The following MEF2A variants were observed in gnomAD, a reference collection of about 807,000 sequenced individuals.
MEF2A encodes the protein myocyte-specific enhancer factor 2A.
A neutral mutation model predicts 55.8 loss-of-function variants in MEF2A; 28 were observed. That is an observed-to-expected ratio of 0.50 (90% CI 0.37 to 0.69). The LOEUF (loss-of-function observed/expected upper bound fraction) is 0.69, where lower values mean the gene tolerates loss of function less well. MEF2A is among the 30% of genes least tolerant of loss of function. MEF2A has a pLI of 0.00. For missense variants in MEF2A, 528 were observed against 626.2 expected, an observed-to-expected ratio of 0.84 and a Z score of 1.67; for synonymous variants, 239 against 227.1, an observed-to-expected ratio of 1.05 and a Z score of -0.47.
At position 99,710,713 on chromosome 15, in the gene MEF2A, G is replaced by A. The variant is rs1285681334; in HGVS notation, c.1089G>A (p.Ser363=). 7.4e-6 allele frequency: 12 copies of A among 1,613,046 alleles called. No homozygotes were observed. The highest frequency in any genetic ancestry group is 1.0e-5 in the Non-Finnish European group (12 of 1,179,220). The change falls in exon 11 of 12, where the codon TCG becomes TCA. Residue 363 remains serine, a synonymous_variant. Transcript: ENST00000557942. ...GAATGCTGTCGCTGGGACAGGTGTC[G>A]GCCTGGCAGCAGCACCACCTAGGAC... is the stretch of plus-strand genomic sequence containing the variant. The part of the protein sequence containing the change: ...SPGMLSLGQV[S]AWQQHHLGQA...
intron 9 of MEF2A, among the ~76,000 whole-genome samples, chr15:99,704,991 A>G (rs546118531): frequency 1.3e-5 from 2 of 152,368 alleles, no homozygotes; most frequent in South Asian, 2.1e-4. Flanking sequence ...ACAGCCATTT[A>G]TATTATTTAA....
chr15:99,655,331 C>A (rs1169015020), intron 4 of MEF2A, among the ~76,000 whole-genome samples: 4 of 151,972 alleles, frequency 2.6e-5, no homozygotes, highest in Non-Finnish European at 4.4e-5. Flanking sequence ...AAAAAATAAG[C>A]CTCAGTATTT....
rs1159517297 is a variant in MEF2A at position 99,598,484 on chromosome 15, T to C, written c.-170T>C. ...ATTTTCTGCAAGGATCATATCTAAG[T>C]GCACTTTTTGCTGATACTTCATTTC... On this transcript the variant is annotated 5_prime_UTR_variant, in exon 2 of 12. Coordinates refer to ENST00000557942, the MANE Select transcript of MEF2A (RefSeq NM_001319206.4). The C allele has an allele frequency of 6.6e-6, 1 of 152,158 alleles. No individual in the cohort carries two copies. The highest frequency in any genetic ancestry group is 1.5e-5 in the Non-Finnish European group (1 of 68,020). 9.4% of individuals were successfully genotyped at this position (152,158 alleles called of 1,614,324 possible). A position where few individuals can be genotyped will look rare whatever the true frequency, so the allele number is the denominator to read the frequency against.
At chr15:99,647,396 T>G (rs2046137109) in intron 4 of MEF2A, among the ~76,000 whole-genome samples, 1 of 152,164 alleles carries the variant, frequency 6.6e-6, no homozygotes, top group African/African-American at 2.4e-5. Flanking sequence ...AAATAAGTAT[T>G]CTAGCTAATT....
At chr15:99,581,585 C>T (rs1037754659) in intron 1 of MEF2A, among the ~76,000 whole-genome samples, 9 of 152,282 alleles carry the variant, frequency 5.9e-5, no homozygotes, top group Non-Finnish European at 1.0e-4. Flanking sequence ...CTAGGTTCTG[C>T]TTCCCCCAAA....
intron 1 of MEF2A, among the ~76,000 whole-genome samples, chr15:99,597,134 T>G (rs1185216201): frequency 1.3e-5 from 2 of 152,158 alleles, no homozygotes; most frequent in East Asian, 1.9e-4. Flanking sequence ...GCAAGAGAGA[T>G]AACCTTAAAC....
chr15:99,659,011 A>C (rs549269466), intron 4 of MEF2A, among the ~76,000 whole-genome samples: 10 of 152,242 alleles, frequency 6.6e-5, no homozygotes, highest in African/African-American at 2.2e-4. Context: ...GCTTTCGATA[A>C]ATTTTGTTGA....
At chr15:99,676,643 G>A (rs564808552) in intron 7 of MEF2A, among the ~76,000 whole-genome samples, 9 of 150,442 alleles carry the variant, frequency 6.0e-5, no homozygotes, top group Middle Eastern at 3.4e-3. Flanking sequence ...CGCCATCTCC[G>A]CTCACTGCAA....
rs1449396541 is a variant in MEF2A at position 99,715,398 on chromosome 15, ATAC to A, written c.*2635_*2637del. On this transcript the variant is annotated 3_prime_UTR_variant, in exon 12 of 12. Transcript: ENST00000557942. ...ATCAGTACAACTACTGTTTTCTAAA[ATAC>A]TACTACTCAAGGCTCGGAGTTTGTA... 2.6e-5 allele frequency: 4 copies of A among 152,254 alleles called. No individual in the cohort carries two copies. Among genetic ancestry groups the A allele is most frequent in the Non-Finnish European group, 2.9e-5 (2 of 68,052 alleles). 9.4% of individuals were successfully genotyped at this position (152,254 alleles called of 1,614,324 possible). A position where few individuals can be genotyped will look rare whatever the true frequency, so the allele number is the denominator to read the frequency against.
intron 4 of MEF2A, among the ~76,000 whole-genome samples, chr15:99,665,046 A>C (rs961276311): frequency 6.6e-6 from 1 of 152,244 alleles, no homozygotes; most frequent in South Asian, 2.1e-4. Context: ...CAGGGTGACA[A>C]TCAATGGTAT....
intron 3 of MEF2A, among the ~76,000 whole-genome samples, chr15:99,634,353 T>C (rs950488608): frequency 2.6e-5 from 4 of 152,088 alleles, no homozygotes; most frequent in East Asian, 1.9e-4. Context: ...ATTATGAAGG[T>C]TGGTACAATA....
chr15:99,706,799 C>T lies in MEF2A; in HGVS notation c.953C>T (p.Pro318Leu). 1.2e-6 allele frequency: 2 copies of T among 1,614,048 alleles called. No homozygotes were observed. Among genetic ancestry groups the T allele is most frequent in the Non-Finnish European group, 1.7e-6 (2 of 1,179,890 alleles). The change falls in exon 10 of 12, where the codon CCA becomes CTA. Residue 318 changes from proline (P) to leucine (L), a missense_variant. Pro to Leu is a moderately conservative substitution (Grantham distance 98). This residue lies in a region of MEF2A where 450 missense variants were observed against 475.3 expected (regional missense o/e 0.95). Coordinates refer to ENST00000557942, the MANE Select transcript of MEF2A (RefSeq NM_001319206.4). ...LATPVVSVTT[P>L]SLPPQGLVYS... is the part of the protein sequence containing the mutation. ...ACCCCAGTCGTGTCTGTGACAACCC[C>T]AAGCTTGCCTCCGCAAGGACTTGTG...
Position 99,645,686 on chromosome 15 carries a change from T to C in MEF2A, c.180T>C (p.Thr60=). ...ACAAACTGTTTCAATATGCTAGCAC[T>C]GATATGGACAAAGTTCTTCTCAAGT... ...SSNKLFQYAS[T]DMDKVLLKYT... is the part of the protein sequence containing the mutation. Residue 60 remains threonine (T), a synonymous_variant, in exon 4 of 12, where the codon ACT becomes ACC. Transcript: ENST00000557942. The C allele has an allele frequency of 6.2e-7, 1 of 1,613,562 alleles. No homozygotes were observed. Among genetic ancestry groups the C allele is most frequent in the South Asian group, 1.1e-5 (1 of 91,048 alleles).
chr15:99,675,390 C>T lies in MEF2A; in HGVS notation c.611-9C>T, dbSNP rs745753041. On this transcript the variant is annotated splice_polypyrimidine_tract_variant and intron_variant, in intron 6 of 11. Coordinates refer to ENST00000557942, the MANE Select transcript of MEF2A (RefSeq NM_001319206.4). ...TCTGCCCTCTGTCTTCTCTCCGTAA[C>T]GTTGTTAGGTGGGATGTTGAGCACT... 1.7e-5 allele frequency: 27 copies of T among 1,613,136 alleles called. No homozygotes were observed. The highest frequency in any genetic ancestry group is 4.5e-5 in the East Asian group (2 of 44,882).
intron 2 of MEF2A, among the ~76,000 whole-genome samples, chr15:99,628,658 A>C (rs144288738): frequency 1.5e-3 from 222 of 152,258 alleles, no homozygotes; most frequent in Middle Eastern, 0.01. Flanking sequence ...TAATCAATGA[A>C]AGGATTTTAG....
At chr15:99,688,751 C>T (rs1437040398) in intron 7 of MEF2A, among the ~76,000 whole-genome samples, 2 of 151,900 alleles carry the variant, frequency 1.3e-5, no homozygotes, top group Non-Finnish European at 2.9e-5. Flanking sequence ...GGCAAGTCTC[C>T]GTCTGAAAAG....
At position 99,669,891 on chromosome 15, in the gene MEF2A, T is replaced by G. The variant is rs183536382; in HGVS notation, c.259-1432T>G. Among the ~76,000 whole-genome samples the G allele has an allele frequency of 4.8e-3, 726 of 152,314 alleles. 21 individuals carry two copies. The highest frequency in any genetic ancestry group is 0.042 in the Admixed American group (638 of 15,300). On this transcript the variant is annotated intron_variant, in intron 4 of 11. Transcript: ENST00000557942. ...AATCAAAAATATCTTTAGATCTAAT[T>G]TAATCGTTTATTGATGAACTTCTCT...
chr15:99,582,500 A>G (rs759568900), intron 1 of MEF2A, among the ~76,000 whole-genome samples: 3 of 151,980 alleles, frequency 2.0e-5, no homozygotes, highest in Non-Finnish European at 2.9e-5. Context: ...TTGACCTTAT[A>G]CTAAGGTAAT....
intron 1 of MEF2A, among the ~76,000 whole-genome samples, chr15:99,567,615 CT>C: frequency 7.2e-6 from 1 of 139,530 alleles, no homozygotes; most frequent in South Asian, 2.2e-4. Flanking sequence ...GCCTTTATGG[CT>C]TTTGTATGTA....
Sources: allele counts gnomAD v4.1 joint callset (sites outside exome capture counted in the v4.1 genomes callset), GRCh38; gene constraint gnomAD v4.1.1; regional missense constraint gnomAD v4.1.1; transcripts MANE v1.5; gene names NCBI Gene and HGNC (gene_info 2026-07-23, HGNC 2026-07-21).